The following TPO variants were observed in gnomAD, a reference collection of about 807,000 sequenced individuals.
TPO encodes the protein thyroid peroxidase.
TPO carries 78 observed loss-of-function variants against 96.9 expected under a neutral mutation model. The observed-to-expected ratio is 0.81, with a 90% confidence interval of 0.67 to 0.97. The LOEUF is 0.97. Ranked by LOEUF, TPO falls within the 50% of genes least tolerant of loss-of-function variation. The pLI, the probability that TPO is intolerant of heterozygous loss-of-function variation, is 0.00. For missense variants in TPO, 1,252 were observed against 1,274.8 expected (o/e 0.98, Z 0.27); for synonymous variants, 547 against 538.0 (o/e 1.02, Z -0.23).
At chr2:1,458,835 AATCT>A (rs1668134420) in intron 7 of TPO, among the ~76,000 whole-genome samples, 1 of 152,204 alleles carries the variant, frequency 6.6e-6, no homozygotes, top group African/African-American at 2.4e-5. Context: ...TGTGCATTAT[AATCT>A]ATCTAACCAC....
At chr2:1,444,353 G>A (rs376632356) in intron 5 of TPO, among the ~76,000 whole-genome samples, 203 of 126,846 alleles carry the variant, frequency 1.6e-3, no homozygotes, top group Middle Eastern at 6.5e-3. Flanking sequence ...AGGAGGCACC[G>A]TGTTGGAAGG....
chr2:1,438,779 ATTTTTTT>A (rs3036132), intron 5 of TPO: 4 of 667,970 alleles, frequency 6.0e-6, no homozygotes, highest in Admixed American at 4.7e-5. Context: ...TTAACTGGAG[ATTTTTTT>A]TTTTTTTTTT....
intron 7 of TPO, among the ~76,000 whole-genome samples, chr2:1,461,302 C>G (rs1186001965): frequency 1.3e-5 from 2 of 152,138 alleles, no homozygotes; most frequent in Non-Finnish European, 2.9e-5. Context: ...TGGCTGCGTT[C>G]GTATAAAGAT....
intron 6 of TPO, among the ~76,000 whole-genome samples, chr2:1,454,987 G>A (rs376476114): frequency 6.6e-6 from 1 of 152,202 alleles, no homozygotes; most frequent in African/African-American, 2.4e-5. Context: ...AGGTGTTGCA[G>A]AGCTGGTTCT....
At chr2:1,536,018 A>G (rs1491001704) in intron 15 of TPO, among the ~76,000 whole-genome samples, 1 of 9,114 alleles carries the variant, frequency 1.1e-4, no homozygotes, top group Non-Finnish European at 1.8e-4. Context: ...ACCTCCTCAA[A>G]TCCCCCCACT....
chr2:1,482,926 C>T (rs1002961280), intron 8 of TPO, among the ~76,000 whole-genome samples: 1 of 152,166 alleles, frequency 6.6e-6, no homozygotes, highest in Non-Finnish European at 1.5e-5. Context: ...AGCAATCCTC[C>T]CACTTTGGCC....
intron 7 of TPO, among the ~76,000 whole-genome samples, chr2:1,474,673 G>A (rs1007720801): frequency 6.6e-6 from 1 of 152,120 alleles, no homozygotes; most frequent in Non-Finnish European, 1.5e-5. Flanking sequence ...TTTTGTTAGG[G>A]AGTCATCGAT....
intron 7 of TPO, 116 bp from the exon 8 acceptor site, chr2:1,476,970 C>T: frequency 7.5e-7 from 1 of 1,342,124 alleles, no homozygotes; most frequent in Non-Finnish European, 1.0e-6. Context: ...CTACAGAGGA[C>T]TGGAGGGGCA....
chr2:1,468,091 G>A (rs1015359778), intron 7 of TPO, among the ~76,000 whole-genome samples: 1 of 151,634 alleles, frequency 6.6e-6, no homozygotes, highest in African/African-American at 2.4e-5. Context: ...TATGTGTTAG[G>A]CATGTCTCTT....
chr2:1,411,593 G>T (rs770853223), upstream of TPO, among the ~76,000 whole-genome samples: 1 of 152,188 alleles, frequency 6.6e-6, no homozygotes, highest in Non-Finnish European at 1.5e-5. Context: ...AAAGGGCCAC[G>T]TGCTTAGTGG....
chr2:1,447,012 G>A (rs1405942054), intron 5 of TPO, among the ~76,000 whole-genome samples: 3 of 152,048 alleles, frequency 2.0e-5, no homozygotes, highest in Non-Finnish European at 2.9e-5. Flanking sequence ...GTGTGTGTGT[G>A]TATTGTAAAC....
intron 5 of TPO, among the ~76,000 whole-genome samples, chr2:1,440,085 A>G (rs772122215): frequency 6.6e-6 from 1 of 151,692 alleles, no homozygotes; most frequent in Non-Finnish European, 1.5e-5. Context: ...CTGCATTTCC[A>G]ATGTGCTGCG....
chr2:1,433,881 G>A (rs1434929945), intron 4 of TPO, among the ~76,000 whole-genome samples: 1 of 152,058 alleles, frequency 6.6e-6, no homozygotes, highest in African/African-American at 2.4e-5. Flanking sequence ...CATTTTTTAT[G>A]GTATAAAATA....
chr2:1,507,964 G>A (rs1358495281), intron 14 of TPO, among the ~76,000 whole-genome samples: 3 of 152,172 alleles, frequency 2.0e-5, no homozygotes, highest in African/African-American at 7.2e-5. Context: ...TTTTGTGCCA[G>A]TTTTCAAAGG....
intron 2 of TPO, among the ~76,000 whole-genome samples, chr2:1,416,719 T>C (rs1663000805): frequency 6.6e-6 from 1 of 152,264 alleles, no homozygotes; most frequent in Non-Finnish European, 1.5e-5. Flanking sequence ...ATATTATGTG[T>C]CTCACAGTAT....
At chr2:1,496,994 A>T (rs994896172) in intron 13 of TPO, among the ~76,000 whole-genome samples, 1 of 152,084 alleles carries the variant, frequency 6.6e-6, no homozygotes, top group Non-Finnish European at 1.5e-5. Flanking sequence ...AATCGTGACC[A>T]ATGGGGTCAC....
chr2:1,447,612 C>A (rs1382469379), intron 5 of TPO, among the ~76,000 whole-genome samples: 2 of 152,042 alleles, frequency 1.3e-5, no homozygotes, highest in Non-Finnish European at 2.9e-5. Flanking sequence ...TCTTCACTGA[C>A]AATATCTATA....
At chr2:1,488,861 CCA>C (rs1299950280) in intron 10 of TPO, among the ~76,000 whole-genome samples, 5 of 152,178 alleles carry the variant, frequency 3.3e-5, no homozygotes, top group African/African-American at 4.8e-5. Flanking sequence ...GGATCAGCAG[CCA>C]CACAGGCTGT....
At chr2:1,461,120 A>T (rs2148616761) in intron 7 of TPO, among the ~76,000 whole-genome samples, 1 of 152,146 alleles carries the variant, frequency 6.6e-6, no homozygotes, top group African/African-American at 2.4e-5. Flanking sequence ...CCCCAGGAAA[A>T]GCCCAGCCCT....
Sources: allele counts gnomAD v4.1 joint callset (sites outside exome capture counted in the v4.1 genomes callset), GRCh38; gene constraint gnomAD v4.1.1; transcripts MANE v1.5; gene names NCBI Gene and HGNC (gene_info 2026-07-23, HGNC 2026-07-21).